Variants in SFMBT2 observed in about 807,000 individuals in gnomAD.
The protein encoded by SFMBT2 is scm-like with four MBT domains protein 2.
A neutral mutation model predicts 110.1 loss-of-function variants in SFMBT2; 38 were observed. That is an observed-to-expected ratio of 0.35 (90% CI 0.27 to 0.45). The LOEUF is 0.45. Ranked by LOEUF, SFMBT2 falls within the 20% of genes least tolerant of loss-of-function variation. The pLI, the probability that SFMBT2 is intolerant of heterozygous loss-of-function variation, is 1.00. For missense variants in SFMBT2, 1,011 were observed against 1,094.9 expected (o/e 0.92, Z 1.08); for synonymous variants, 425 against 425.4 (o/e 1.00, Z 0.01).
chr10:7,247,113 TTTG>T (rs1397710016), intron 8 of SFMBT2, among the ~76,000 whole-genome samples: 1 of 152,172 alleles, frequency 6.6e-6, no homozygotes, highest in East Asian at 1.9e-4. Context: ...TCTTTTTGTT[TTTG>T]TTGTTGTTTG....
intron 4 of SFMBT2, among the ~76,000 whole-genome samples, chr10:7,342,472 A>G (rs1056901421): frequency 3.1e-4 from 41 of 132,668 alleles, no homozygotes; most frequent in Middle Eastern, 9.9e-3. Flanking sequence ...GCAGTGGTGC[A>G]ATCTCGGCTC....
At chr10:7,188,548 A>C in intron 16 of SFMBT2, 76 bp downstream of exon 16, 2 of 1,142,850 alleles carry the variant, frequency 1.8e-6, no homozygotes, top group Non-Finnish European at 2.6e-6. Context: ...TGTGTCACAA[A>C]GAGAAGTGGC....
chr10:7,315,109 A>AG (rs1842972545), intron 4 of SFMBT2, among the ~76,000 whole-genome samples: 1 of 129,588 alleles, frequency 7.7e-6, no homozygotes. Flanking sequence ...AGAAAGAAAG[A>AG]AAAAGCAAGC....
At chr10:7,391,576 G>T (rs531823348) in intron 1 of SFMBT2, among the ~76,000 whole-genome samples, 468 of 152,024 alleles carry the variant, frequency 3.1e-3, no homozygotes, top group Non-Finnish European at 4.9e-3. Context: ...CTGCAAAATT[G>T]ATTCACTTTG....
chr10:7,205,413 T>G, intron 12 of SFMBT2: 1 of 985,228 alleles, frequency 1.0e-6, no homozygotes, highest in African/African-American at 1.7e-5. Flanking sequence ...TATAAGAATG[T>G]CAGTATATTA....
intron 12 of SFMBT2, chr10:7,204,135 A>G: frequency 5.0e-6 from 1 of 201,794 alleles, no homozygotes; most frequent in Non-Finnish European, 8.8e-6. Context: ...CTCCAACTGA[A>G]TCAGATCCAT....
intron 4 of SFMBT2, among the ~76,000 whole-genome samples, chr10:7,315,406 G>T (rs1842983429): frequency 1.3e-5 from 2 of 152,226 alleles, no homozygotes; most frequent in Non-Finnish European, 2.9e-5. Flanking sequence ...GCCTTTGGGG[G>T]ATGATGGCTT....
intron 4 of SFMBT2, among the ~76,000 whole-genome samples, chr10:7,324,962 T>A (rs1021072386): frequency 1.5e-3 from 78 of 52,894 alleles, no homozygotes; most frequent in African/African-American, 0.011. Context: ...GAGGCCCCAC[T>A]TTTTTTTTTT....
intron 4 of SFMBT2, among the ~76,000 whole-genome samples, chr10:7,289,543 T>C (rs1842201281): frequency 6.6e-6 from 1 of 152,208 alleles, no homozygotes; most frequent in African/African-American, 2.4e-5. Context: ...ACTCAAGCAA[T>C]CTTTTATGAG....
At chr10:7,279,751 G>A (rs925403229) in intron 6 of SFMBT2, among the ~76,000 whole-genome samples, 4 of 152,142 alleles carry the variant, frequency 2.6e-5, no homozygotes, top group African/African-American at 7.2e-5. Context: ...GTTTGATGGG[G>A]CATTTCCTAA....
intron 4 of SFMBT2, among the ~76,000 whole-genome samples, chr10:7,340,462 G>C (rs1473855081): frequency 6.6e-6 from 1 of 151,914 alleles, no homozygotes; most frequent in Non-Finnish European, 1.5e-5. Context: ...CCATTCCCCA[G>C]CTAACACAAC....
chr10:7,285,575 TA>T (rs1489305351), intron 5 of SFMBT2: 2 of 282,906 alleles, frequency 7.1e-6, no homozygotes, highest in African/African-American at 4.4e-5. Context: ...GAAAGAGGCT[TA>T]AAGATATAGG....
At position 7,174,555 on chromosome 10, in the gene SFMBT2, G is replaced by A. The variant is rs142506019; in HGVS notation, c.1984+1435C>T. Reference sequence around the variant, plus strand: ...TAACCCAAAGGATCTTGGGACTTAAGAGTTTTATTATATGAGATCCGGAGA... The same window carrying A: ...TAACCCAAAGGATCTTGGGACTTAAAAGTTTTATTATATGAGATCCGGAGA... On this transcript the variant is annotated intron_variant, in intron 17 of 20. Coordinates refer to ENST00000397167, the MANE Select transcript of SFMBT2 (RefSeq NM_001387889.1). Among the ~76,000 whole-genome samples, 526 of 152,334 alleles carry A rather than the reference G, an allele frequency of 3.5e-3. 4 individuals are homozygous for A. Among genetic ancestry groups the A allele is most frequent in the African/African-American group, 0.012 (508 of 41,574 alleles).
chr10:7,228,673 TTC>T (rs1436435186), intron 9 of SFMBT2, among the ~76,000 whole-genome samples: 1 of 37,908 alleles, frequency 2.6e-5, no homozygotes, highest in African/African-American at 1.0e-4. Context: ...CTAAAGTGGC[TTC>T]TTTCTTTCTT....
intron 16 of SFMBT2, among the ~76,000 whole-genome samples, chr10:7,186,500 A>T (rs1010750622): frequency 6.8e-6 from 1 of 146,100 alleles, no homozygotes; most frequent in African/African-American, 2.6e-5. Flanking sequence ...TTGTAGAGAC[A>T]GGGTCTTACT....
At chr10:7,358,267 T>G (rs1170660689) in intron 4 of SFMBT2, among the ~76,000 whole-genome samples, 4 of 150,586 alleles carry the variant, frequency 2.7e-5, no homozygotes, top group African/African-American at 9.8e-5. Context: ...TGCATGGCCC[T>G]GTGACATCAA....
At position 7,210,374 on chromosome 10, in the gene SFMBT2, A is replaced by G. The variant is rs7090359; in HGVS notation, c.1331-4446T>C. Among the ~76,000 whole-genome samples the G allele has an allele frequency of 3.9e-3, 598 of 152,314 alleles. 6 individuals carry two copies. The highest frequency in any genetic ancestry group is 0.014 in the African/African-American group (580 of 41,574). ...GCGAATCACAGGAGAGAGCGCGAGC[A>G]TGCATGAGCTTGGGGTGAGAGATGC... On this transcript the variant is annotated intron_variant, in intron 11 of 20. Coordinates refer to ENST00000397167, the MANE Select transcript of SFMBT2 (RefSeq NM_001387889.1).
At chr10:7,283,232 G>T (rs777602326) in intron 6 of SFMBT2, among the ~76,000 whole-genome samples, 1 of 152,194 alleles carries the variant, frequency 6.6e-6, no homozygotes, top group Admixed American at 6.5e-5. Flanking sequence ...TTTTTAACTA[G>T]GTAGGTATGA....
intron 15 of SFMBT2, among the ~76,000 whole-genome samples, chr10:7,190,874 G>A (rs1179865437): frequency 6.6e-6 from 1 of 152,194 alleles, no homozygotes; most frequent in Non-Finnish European, 1.5e-5. Context: ...CCCATGTGTT[G>A]TGGGAGGAAC....
Sources: gnomAD v4.1 joint callset for allele counts (sites outside exome capture counted in the v4.1 genomes callset) on GRCh38, gnomAD v4.1.1 for gene constraint, MANE v1.5 for transcripts, NCBI Gene and HGNC (gene_info 2026-07-23, HGNC 2026-07-21) for gene names.